Variants in ABHD12 observed in about 807,000 individuals in gnomAD.
ABHD12 encodes the protein abhydrolase domain containing 12, lysophospholipase.
ABHD12 carries 43 observed loss-of-function variants against 58.3 expected under a neutral mutation model. The ratio of observed to expected loss-of-function variants is 0.74; its 90% CI spans 0.58 to 0.95. The LOEUF (loss-of-function observed/expected upper bound fraction) is 0.95, where lower values mean the gene tolerates loss of function less well. Ranked by LOEUF, ABHD12 falls within the 40% of genes least tolerant of loss-of-function variation. The probability of loss-of-function intolerance (pLI) is 0.00; values close to 1 mark genes in which losing one functional copy is unlikely to be tolerated. For missense variants in ABHD12, 539 were observed against 537.2 expected (o/e 1.00, Z -0.03); for synonymous variants, 219 against 211.2 (o/e 1.04, Z -0.32).
chr20:25,307,824 TATTA>T (rs1477083241), intron 9 of ABHD12, 138 bp downstream of exon 9: 1 of 362,374 alleles, frequency 2.8e-6, no homozygotes, highest in African/African-American at 2.2e-5. Flanking sequence ...CCAAAACTAG[TATTA>T]ATTTTTAATG....
chr20:25,331,102 T>A (rs994395600), intron 2 of ABHD12, among the ~76,000 whole-genome samples: 24 of 151,896 alleles, frequency 1.6e-4, no homozygotes, highest in Admixed American at 3.3e-4. Context: ...GAATAACCAA[T>A]ACAGAGAAGT....
Position 25,365,053 on chromosome 20 carries a change from G to A in ABHD12, c.191+25460C>T, listed in dbSNP as rs537457464. 7.2e-5 allele frequency among the ~76,000 whole-genome samples: 11 copies of A among 152,232 alleles called. No homozygotes were observed. In the East Asian group the frequency reaches 1.5e-3, roughly 21 times the overall value. The stretch of plus-strand genomic sequence containing the variant: ...GGTAAGTAGTTCTCACCTATGCAAC[G>A]TGAGTAAGGCCTCATGTGGCTGGCT... On this transcript the variant is annotated intron_variant, in intron 1 of 12. Coordinates refer to ENST00000339157, the MANE Select transcript of ABHD12 (RefSeq NM_001042472.3).
At chr20:25,353,492 T>C (rs1244958617) in intron 1 of ABHD12, among the ~76,000 whole-genome samples, 1 of 152,180 alleles carries the variant, frequency 6.6e-6, no homozygotes, top group Non-Finnish European at 1.5e-5. Flanking sequence ...ATATGGTTAT[T>C]TATGCAGCAC....
intron 1 of ABHD12, chr20:25,368,685 C>A (rs1207642048): frequency 2.2e-6 from 3 of 1,369,362 alleles, no homozygotes; most frequent in Non-Finnish European, 3.1e-6. Flanking sequence ...TCTTTGGAAT[C>A]TTGTCTGCAA....
At chr20:25,343,536 G>A (rs1339808855) in intron 1 of ABHD12, among the ~76,000 whole-genome samples, 1 of 152,172 alleles carries the variant, frequency 6.6e-6, no homozygotes, top group Non-Finnish European at 1.5e-5. Flanking sequence ...CAGGCGTGGT[G>A]GCTCACGCCT....
chr20:25,351,882 CAA>C lies in ABHD12; in HGVS notation c.192-12533_192-12532del, dbSNP rs1365614374. Among the ~76,000 whole-genome samples, 6 of 152,250 alleles carry C rather than the reference CAA, an allele frequency of 3.9e-5. 1 individual carries two copies. The highest frequency in any genetic ancestry group is 1.2e-4 in the African/African-American group (5 of 41,552). On this transcript the variant is annotated intron_variant, in intron 1 of 12. Transcript: ENST00000339157. Reference sequence around the variant, plus strand: ...CACCGTTGCATCCCAGCCTGGGCAACAAGAGAGAAACTGTGTCTCAAAACAAA... The same window carrying C: ...CACCGTTGCATCCCAGCCTGGGCAACGAGAGAAACTGTGTCTCAAAACAAA...
In ABHD12 at chr20:25,295,169, G is replaced by A. The variant is rs970270257; in HGVS notation, c.1158-139C>T. The A allele has an allele frequency of 1.2e-4, 105 of 888,672 alleles. No homozygotes were observed. The South Asian group carries it at 1.4e-3, about 12-fold the overall frequency. The allele number at this position is 888,672 out of a possible 1,614,324, so 55.0% of individuals were successfully genotyped here. Reference sequence around the variant, plus strand: ...TCAGCACATCAGGAACTGCAAGTCAGTATTTCCTGTGTAGGCAAATCCCAG... The same window carrying A: ...TCAGCACATCAGGAACTGCAAGTCAATATTTCCTGTGTAGGCAAATCCCAG... On this transcript the variant is annotated intron_variant, in intron 12 of 12. Coordinates refer to the ABHD12 transcript ENST00000376542.
intron 1 of ABHD12, among the ~76,000 whole-genome samples, chr20:25,361,959 C>G (rs901942160): frequency 1.3e-5 from 2 of 149,064 alleles, no homozygotes; most frequent in Non-Finnish European, 3.0e-5. Context: ...CGTCTCAAAA[C>G]ACACACACAC....
At chr20:25,314,541 T>G (rs980256889) in intron 6 of ABHD12, among the ~76,000 whole-genome samples, 1 of 151,874 alleles carries the variant, frequency 6.6e-6, no homozygotes, top group African/African-American at 2.4e-5. Flanking sequence ...ACAGCGGGTG[T>G]GGTGTCGCAT....
chr20:25,347,994 G>A (rs778578159), intron 1 of ABHD12, among the ~76,000 whole-genome samples: 8 of 151,134 alleles, frequency 5.3e-5, no homozygotes, highest in Admixed American at 4.6e-4. Context: ...GGCAGATCAC[G>A]AGGTCAGGAG....
chr20:25,299,887 C>T (rs1482622198), downstream of ABHD12, among the ~76,000 whole-genome samples: 4 of 152,148 alleles, frequency 2.6e-5, no homozygotes, highest in Non-Finnish European at 4.4e-5. Context: ...CTCAGCTGCT[C>T]CCCTGCGTAG....
At chr20:25,326,360 C>T (rs6076333) in intron 2 of ABHD12, among the ~76,000 whole-genome samples, 1 of 152,194 alleles carries the variant, frequency 6.6e-6, no homozygotes, top group African/African-American at 2.4e-5. Context: ...TAAAACTGGC[C>T]TCATAACTTG....
In ABHD12 at chr20:25,390,553, G is replaced by A; in HGVS notation, c.151C>T (p.Arg51Cys). The A allele has an allele frequency of 6.8e-7, 1 of 1,472,058 alleles. No homozygotes were observed. Among genetic ancestry groups the A allele is most frequent in the Non-Finnish European group, 8.9e-7 (1 of 1,118,574 alleles). 91.2% of individuals were successfully genotyped at this position (1,472,058 alleles called of 1,614,324 possible). A position where few individuals can be genotyped will look rare whatever the true frequency, so the allele number is the denominator to read the frequency against. The stretch of plus-strand genomic sequence containing the variant: ...TTCATTCCCGCGTCGGCTGCGCAGC[G>A]CGGCTCAGCCGCCGCCGGGCCCGTC... ...RLTGPAAAEPRCAADAGMKRA... is the reference protein window; with the variant it reads ...RLTGPAAAEPCCAADAGMKRA... Residue 51 changes from arginine to cysteine, a missense_variant, in exon 1 of 13, where the codon CGC becomes TGC. Arg to Cys is a radical substitution (Grantham distance 180). Coordinates refer to ENST00000339157, the MANE Select transcript of ABHD12 (RefSeq NM_001042472.3).
intron 2 of ABHD12, 90 bp from the exon 3 acceptor site, chr20:25,323,520 G>C (rs2089119538): frequency 1.2e-6 from 1 of 829,380 alleles, no homozygotes; most frequent in Admixed American, 1.7e-5. Context: ...CACGTGCACA[G>C]ATATGCATCC....
chr20:25,383,858 G>T (rs1234532661), intron 1 of ABHD12, among the ~76,000 whole-genome samples: 1 of 151,456 alleles, frequency 6.6e-6, no homozygotes, highest in African/African-American at 2.4e-5. Context: ...GGGAGGTTGA[G>T]GCGGGAGAAT....
rs146689379 is a variant in ABHD12 at position 25,303,852 on chromosome 20, C to T, written c.951-224G>A. On this transcript the variant is annotated intron_variant, in intron 10 of 12. Coordinates refer to ENST00000339157, the MANE Select transcript of ABHD12 (RefSeq NM_001042472.3). ...CAATCACAGCTATATAACTGGCCCTCGGAATGTCTTCTGAAAATTGAAAAT... is the reference window on the plus strand; with the variant it reads ...CAATCACAGCTATATAACTGGCCCTTGGAATGTCTTCTGAAAATTGAAAAT... Among the ~76,000 whole-genome samples, 37 of 152,262 alleles carry T rather than the reference C, an allele frequency of 2.4e-4. No individual in the cohort carries two copies. The East Asian group carries it at 5.8e-3, about 24-fold the overall frequency.
intron 1 of ABHD12, among the ~76,000 whole-genome samples, chr20:25,376,343 T>C (rs1350355300): frequency 6.6e-6 from 1 of 152,182 alleles, no homozygotes; most frequent in Non-Finnish European, 1.5e-5. Context: ...TCCATAATCA[T>C]ATTCAAAAGC....
At position 25,323,251 on chromosome 20, in the gene ABHD12, A is replaced by G. The variant is rs551805388; in HGVS notation, c.422+74T>C. On this transcript the variant is annotated intron_variant, in intron 3 of 12. Transcript: ENST00000339157. ...GAACAACATTTCAGAGGCCAATGTC[A>G]AAGACAGCACCAGCTCAGTCATGTA... 6.5e-6 allele frequency: 6 copies of G among 928,626 alleles called. No individual in the cohort carries two copies. In the East Asian group the frequency reaches 1.4e-4, roughly 22 times the overall value. The allele number at this position is 928,626 out of a possible 1,614,324, so 57.5% of individuals were successfully genotyped here.
At chr20:25,387,617 G>A (rs2090109856) in intron 1 of ABHD12, among the ~76,000 whole-genome samples, 1 of 67,014 alleles carries the variant, frequency 1.5e-5, no homozygotes. Context: ...AATTAACCAG[G>A]AGTGGTGGCA....
Sources: gnomAD v4.1 joint callset for allele counts (sites outside exome capture counted in the v4.1 genomes callset) on GRCh38, gnomAD v4.1.1 for gene constraint, MANE v1.5 for transcripts, NCBI Gene and HGNC (gene_info 2026-07-23, HGNC 2026-07-21) for gene names.